Variants in MBD5 observed in about 807,000 individuals in gnomAD.
MBD5 encodes the protein methyl-CpG-binding domain protein 5.
In MBD5, 13 loss-of-function variants were observed where a neutral mutation model predicts 117.3. The observed-to-expected ratio is 0.11, with a 90% confidence interval of 0.07 to 0.18. The LOEUF (loss-of-function observed/expected upper bound fraction) is 0.18, where lower values mean the gene tolerates loss of function less well. Among genes scored for constraint, MBD5 ranks in the 10% least tolerant of loss-of-function variants. The probability of loss-of-function intolerance (pLI) is 1.00; values close to 1 mark genes in which losing one functional copy is unlikely to be tolerated. For missense variants in MBD5, 1,879 were observed against 2,093.8 expected (o/e 0.90, Z 2.00); for synonymous variants, 727 against 766.4 (o/e 0.95, Z 0.85).
intron 4 of MBD5, among the ~76,000 whole-genome samples, chr2:148,453,467 G>A (rs1574441092): frequency 6.6e-6 from 1 of 151,976 alleles, no homozygotes; most frequent in African/African-American, 2.4e-5. Context: ...TATTGCTACT[G>A]TTTGTGAAAT....
chr2:148,491,194 T>C (rs1420251469), intron 11 of MBD5, among the ~76,000 whole-genome samples: 1 of 151,186 alleles, frequency 6.6e-6, no homozygotes, highest in Non-Finnish European at 1.5e-5. Flanking sequence ...TTTAACCTCA[T>C]AGTCTGGTTC....
chr2:148,227,073 C>T (rs1053281830), intron 2 of MBD5, among the ~76,000 whole-genome samples: 1 of 152,194 alleles, frequency 6.6e-6, no homozygotes, highest in African/African-American at 2.4e-5. Context: ...TGCCTGTTCA[C>T]TCTGATGGTA....
In MBD5 at chr2:148,354,100, A is replaced by T. The variant is rs192316005; in HGVS notation, c.-557+11764A>T. 4.0e-3 allele frequency among the ~76,000 whole-genome samples: 611 copies of T among 152,060 alleles called. 23 individuals carry two copies. The East Asian group carries it at 0.087, about 22-fold the overall frequency. On this transcript the variant is annotated intron_variant, in intron 4 of 13. Coordinates refer to ENST00000642680, the MANE Select transcript of MBD5 (RefSeq NM_001378120.1). Reference sequence around the variant, plus strand: ...AATGCCAGTTACATCTTTTAAAAAAATTTTTTTATTTTACTTTAAGTTCTG... The same window carrying T: ...AATGCCAGTTACATCTTTTAAAAAATTTTTTTTATTTTACTTTAAGTTCTG...
In MBD5 at chr2:148,404,127, GTT is replaced by G. The variant is rs202097829; in HGVS notation, c.-556-54065_-556-54064del. On this transcript the variant is annotated intron_variant, in intron 4 of 13. Coordinates refer to ENST00000642680, the MANE Select transcript of MBD5 (RefSeq NM_001378120.1). The stretch of plus-strand genomic sequence containing the variant: ...TTTTTATTGGCTGCTAGCATTATGG[GTT>G]TTTTTTTTTTCTTGTTGCATCCTGG... 1.4e-4 allele frequency among the ~76,000 whole-genome samples: 20 copies of G among 145,012 alleles called. No individual in the cohort carries two copies. In the East Asian group the frequency reaches 1.6e-3, roughly 12 times the overall value.
chr2:148,476,058 T>C (rs1680953134), intron 8 of MBD5, among the ~76,000 whole-genome samples: 2 of 152,158 alleles, frequency 1.3e-5, no homozygotes, highest in South Asian at 4.1e-4. Flanking sequence ...GCTGAGGTAT[T>C]CCTGGGGTTG....
At chr2:148,391,769 A>G (rs1158835540) in intron 4 of MBD5, among the ~76,000 whole-genome samples, 1 of 152,184 alleles carries the variant, frequency 6.6e-6, no homozygotes, top group Non-Finnish European at 1.5e-5. Context: ...AGGTATATTG[A>G]TGAAGTTATC....
chr2:148,106,818 A>C (rs1177249702), intron 1 of MBD5, among the ~76,000 whole-genome samples: 2 of 151,966 alleles, frequency 1.3e-5, no homozygotes, highest in African/African-American at 2.4e-5. Flanking sequence ...GAATATTTTT[A>C]TTACATTTTT....
chr2:148,127,392 G>A (rs1050513699), intron 1 of MBD5, among the ~76,000 whole-genome samples: 27 of 152,140 alleles, frequency 1.8e-4, no homozygotes, highest in African/African-American at 6.5e-4. Context: ...CTCTCTCCCC[G>A]CAGCTCATGA....
chr2:148,070,609 G>A (rs796176340), intron 1 of MBD5, among the ~76,000 whole-genome samples: 2 of 152,066 alleles, frequency 1.3e-5, no homozygotes, highest in Non-Finnish European at 1.5e-5. Context: ...TTGTCCAAAG[G>A]TATATGTTGG....
chr2:148,512,949 T>A lies in MBD5; in HGVS notation c.*8T>A, dbSNP rs1325519720. 1 of 1,611,134 alleles carries A rather than the reference T, an allele frequency of 6.2e-7. No homozygotes were observed. Among genetic ancestry groups the A allele is most frequent in the Non-Finnish European group, 8.5e-7 (1 of 1,177,428 alleles). ...AGGAAGATCTCCAGATAACAGAGACTACTCCACTAATGCGCAGTGTTTATT... is the reference window on the plus strand; with the variant it reads ...AGGAAGATCTCCAGATAACAGAGACAACTCCACTAATGCGCAGTGTTTATT... On this transcript the variant is annotated 3_prime_UTR_variant, in exon 14 of 14. Coordinates refer to ENST00000642680, the MANE Select transcript of MBD5 (RefSeq NM_001378120.1).
At chr2:148,380,793 G>A (rs576744069) in intron 4 of MBD5, among the ~76,000 whole-genome samples, 21 of 152,140 alleles carry the variant, frequency 1.4e-4, no homozygotes, top group South Asian at 4.2e-4. Context: ...ACGATCAGGC[G>A]GCAGCATTTG....
rs1027624579 is a variant in MBD5 at position 148,275,029 on chromosome 2, C to T, written c.-680+41634C>T. Among the ~76,000 whole-genome samples the T allele has an allele frequency of 2.6e-5, 4 of 152,064 alleles. No homozygotes were observed. The South Asian group carries it at 6.2e-4, about 24-fold the overall frequency. On this transcript the variant is annotated intron_variant, in intron 3 of 13. Coordinates refer to ENST00000642680, the MANE Select transcript of MBD5 (RefSeq NM_001378120.1). ...TACAGGCGTGAGCCACTGTGCCTGGCGTCTTTTCTTACATATGGTTGTGTG... is the reference window on the plus strand; with the variant it reads ...TACAGGCGTGAGCCACTGTGCCTGGTGTCTTTTCTTACATATGGTTGTGTG...
chr2:148,507,228 G>A (rs114821261), intron 12 of MBD5, among the ~76,000 whole-genome samples: 17 of 152,238 alleles, frequency 1.1e-4, no homozygotes, highest in Non-Finnish European at 1.8e-4. Flanking sequence ...ATGCTGAATC[G>A]TTTTTGTGCT....
At chr2:148,035,963 A>G (rs1573935884) in intron 1 of MBD5, among the ~76,000 whole-genome samples, 2 of 152,224 alleles carry the variant, frequency 1.3e-5, no homozygotes, top group Non-Finnish European at 2.9e-5. Flanking sequence ...TATTAGTTGT[A>G]CTATAGAAAA....
At chr2:148,082,893 T>C (rs1010701449) in intron 1 of MBD5, among the ~76,000 whole-genome samples, 8 of 152,248 alleles carry the variant, frequency 5.3e-5, no homozygotes, top group African/African-American at 1.9e-4. Context: ...TTAATAATTA[T>C]AAACAACATT....
At chr2:148,303,694 T>C (rs1284393560) in intron 3 of MBD5, among the ~76,000 whole-genome samples, 1 of 152,252 alleles carries the variant, frequency 6.6e-6, no homozygotes, top group African/African-American at 2.4e-5. Context: ...TGATTGATTA[T>C]GGACAATTTC....
chr2:148,026,944 A>G (rs1190215432), intron 1 of MBD5: 1 of 152,092 alleles, frequency 6.6e-6, no homozygotes, highest in East Asian at 1.9e-4. Flanking sequence ...ATAAAAAAAC[A>G]GTAAAAAAAA....
At chr2:148,462,525 C>A in intron 5 of MBD5, 57 bp from the exon 6 acceptor site, 1 of 1,121,832 alleles carries the variant, frequency 8.9e-7, no homozygotes, top group Non-Finnish European at 1.4e-6. Flanking sequence ...TGCCTTTTTT[C>A]ATATAATATG....
At chr2:148,465,806 TA>T (rs370830011) in intron 7 of MBD5, among the ~76,000 whole-genome samples, 106 of 152,310 alleles carry the variant, frequency 7.0e-4, no homozygotes, top group African/African-American at 2.5e-3. Context: ...TGAAGAGGTA[TA>T]ACTATGTTTT....
Sources: allele counts gnomAD v4.1 joint callset (sites outside exome capture counted in the v4.1 genomes callset), GRCh38; gene constraint gnomAD v4.1.1; transcripts MANE v1.5; gene names NCBI Gene and HGNC (gene_info 2026-07-23, HGNC 2026-07-21).